CACNA1C: variants seen among roughly 807,000 people sequenced by gnomAD.
CACNA1C encodes the protein voltage-dependent L-type calcium channel subunit alpha-1C.
CACNA1C carries 30 observed loss-of-function variants against 229.0 expected under a neutral mutation model. The ratio of observed to expected loss-of-function variants is 0.13; its 90% confidence interval spans 0.10 to 0.18. The LOEUF is 0.18. Among genes scored for constraint, CACNA1C ranks in the 10% least tolerant of loss-of-function variants. The pLI, the probability that CACNA1C is intolerant of heterozygous loss-of-function variation, is 1.00. For synonymous variants in CACNA1C, 1,114 were observed against 1,132.5 expected, an observed-to-expected ratio of 0.98 and a Z score of 0.33; for missense variants, 1,658 against 2,845.0, an observed-to-expected ratio of 0.58 and a Z score of 9.49.
intron 18 of CACNA1C, among the ~76,000 whole-genome samples, chr12:2,587,170 A>C (rs1258380773): frequency 1.3e-5 from 2 of 151,412 alleles, no homozygotes; most frequent in Non-Finnish European, 2.9e-5. Context: ...GCCAGAGTCT[A>C]AATGTTTACG....
chr12:2,297,813 G>A (rs1353492061), intron 3 of CACNA1C, among the ~76,000 whole-genome samples: 2 of 151,926 alleles, frequency 1.3e-5, no homozygotes, highest in Non-Finnish European at 2.9e-5. Flanking sequence ...CTGAACAGTT[G>A]GATATATATA....
intron 3 of CACNA1C, among the ~76,000 whole-genome samples, chr12:2,186,908 T>A (rs1490247806): frequency 6.6e-6 from 1 of 152,094 alleles, no homozygotes; most frequent in Non-Finnish European, 1.5e-5. Context: ...ATGTGACACT[T>A]CTTGCTTGCC....
chr12:2,554,943 C>T (rs4765958), intron 10 of CACNA1C, among the ~76,000 whole-genome samples: 5,658 of 152,272 alleles, frequency 0.037, 158 homozygotes, highest in Middle Eastern at 0.085. Flanking sequence ...AGGTTTTGAT[C>T]CCCATGAACC....
chr12:2,184,711 A>G (rs373542015), intron 3 of CACNA1C, among the ~76,000 whole-genome samples: 54 of 152,192 alleles, frequency 3.5e-4, no homozygotes, highest in African/African-American at 1.3e-3. Context: ...AAGCAAGGCT[A>G]AGTCCTGGGC....
chr12:2,518,199 G>C (rs977499961), intron 9 of CACNA1C, among the ~76,000 whole-genome samples: 10 of 152,372 alleles, frequency 6.6e-5, no homozygotes, highest in African/African-American at 1.7e-4. Context: ...AGGCTTGTAA[G>C]AGCTGCAGGT....
intron 2 of CACNA1C, among the ~76,000 whole-genome samples, chr12:2,115,952 C>T (rs2083660671): frequency 6.6e-6 from 1 of 152,218 alleles, no homozygotes; most frequent in Non-Finnish European, 1.5e-5. Context: ...CCTTCTTTCC[C>T]TTCTGTGCCA....
intron 3 of CACNA1C, among the ~76,000 whole-genome samples, chr12:2,235,337 C>T (rs544603388): frequency 3.9e-5 from 6 of 152,278 alleles, no homozygotes; most frequent in South Asian, 2.1e-4. Flanking sequence ...GCCATTCAGC[C>T]GGGGTCCAAC....
intron 21 of CACNA1C, among the ~76,000 whole-genome samples, chr12:2,599,558 G>A (rs905219921): frequency 3.3e-5 from 5 of 152,306 alleles, no homozygotes; most frequent in Non-Finnish European, 5.9e-5. Flanking sequence ...GAGAGGCAGG[G>A]ATGGCCCGTG....
chr12:2,340,816 G>A (rs921808298), intron 3 of CACNA1C, among the ~76,000 whole-genome samples: 3 of 152,146 alleles, frequency 2.0e-5, no homozygotes, highest in Non-Finnish European at 4.4e-5. Context: ...AATTAGCCGG[G>A]CGTGGTGGCG....
intron 3 of CACNA1C, among the ~76,000 whole-genome samples, chr12:2,294,379 T>G (rs1591934759): frequency 6.6e-6 from 1 of 150,714 alleles, no homozygotes. Context: ...CTGAGGAAGG[T>G]GGAGCTGGAA....
intron 6 of CACNA1C, among the ~76,000 whole-genome samples, chr12:2,489,199 C>T (rs1452597339): frequency 3.3e-5 from 5 of 151,970 alleles, no homozygotes; most frequent in African/African-American, 1.2e-4. Flanking sequence ...CTTTGTGAGC[C>T]TTTGTTGTAA....
chr12:2,633,521 A>C lies in CACNA1C; in HGVS notation c.3829-776A>C, dbSNP rs1157321512. 2 of 749,560 alleles carry C rather than the reference A, an allele frequency of 2.7e-6. No individual in the cohort carries two copies. Among genetic ancestry groups the C allele is most frequent in the Admixed American group, 4.2e-5 (2 of 47,704 alleles). 46.4% of individuals were successfully genotyped at this position (749,560 alleles called of 1,614,324 possible). On this transcript the variant is annotated intron_variant, in intron 29 of 46. Coordinates refer to ENST00000399655, the MANE Select transcript of CACNA1C (RefSeq NM_000719.7). This position sits in a 1 kb window ranked among gnomAD's most constrained non-coding sequence, Gnocchi z 5.8. Reference sequence around the variant, plus strand: ...ATGGTGAGGGCGTCCGGAACTCCAGAGGCAACACGGAGGTGCCTGGACGAT... The same window carrying C: ...ATGGTGAGGGCGTCCGGAACTCCAGCGGCAACACGGAGGTGCCTGGACGAT...
chr12:2,470,864 G>A (rs916586887), intron 5 of CACNA1C, among the ~76,000 whole-genome samples: 5 of 151,536 alleles, frequency 3.3e-5, no homozygotes, highest in African/African-American at 1.2e-4. Flanking sequence ...TTGAGACCGA[G>A]TCTCGATCTG....
At chr12:2,006,185 G>A (rs11062058) in intron 1 of CACNA1C, among the ~76,000 whole-genome samples, 28,233 of 152,032 alleles carry the variant, frequency 0.19, 2,709 homozygotes, top group African/African-American at 0.22. Flanking sequence ...TGAGGCGGGC[G>A]GATCACAAGG....
At chr12:2,014,454 T>C (rs1011696274) in intron 1 of CACNA1C, among the ~76,000 whole-genome samples, 2 of 152,184 alleles carry the variant, frequency 1.3e-5, no homozygotes, top group African/African-American at 4.8e-5. Context: ...TTTATGAAGC[T>C]CTTACCATGA....
intron 3 of CACNA1C, among the ~76,000 whole-genome samples, chr12:2,430,074 G>A (rs769303544): frequency 2.0e-5 from 3 of 152,184 alleles, no homozygotes; most frequent in Non-Finnish European, 4.4e-5. Flanking sequence ...GGGCTCATTC[G>A]TGGATGGCTG....
chr12:2,136,060 A>G (rs373395224), intron 3 of CACNA1C, among the ~76,000 whole-genome samples: 5 of 150,672 alleles, frequency 3.3e-5, no homozygotes, highest in Admixed American at 2.0e-4. Context: ...GGTGGGAGTG[A>G]CCCAATTTTC....
chr12:2,291,907 C>T (rs2093556287), intron 3 of CACNA1C, among the ~76,000 whole-genome samples: 1 of 152,216 alleles, frequency 6.6e-6, no homozygotes, highest in Non-Finnish European at 1.5e-5. Context: ...GGAGCCATGC[C>T]ACATTTCATT....
In CACNA1C at chr12:2,585,406, G is replaced by A; in HGVS notation, c.2370G>A (p.Leu790=). 6.2e-7 allele frequency: 1 copy of A among 1,612,358 alleles called. No homozygotes were observed. The highest frequency in any genetic ancestry group is 8.5e-7 in the Non-Finnish European group (1 of 1,179,140). ...RTASPEKKQE[L]VEKPAVGESK... is the part of the protein sequence containing the mutation. ...CCAGCCCAGAGAAGAAACAAGAGTT[G>A]GTGGAGAAGCCGGCAGTGGGGGAAT... The change falls in exon 17 of 47, where the codon TTG becomes TTA. Residue 790 remains leucine, a synonymous_variant. Coordinates refer to ENST00000399655, the MANE Select transcript of CACNA1C (RefSeq NM_000719.7). The surrounding 1 kb of genome is among the most constrained non-coding windows in gnomAD (Gnocchi z 4.1).
Sources: allele counts gnomAD v4.1 joint callset (sites outside exome capture counted in the v4.1 genomes callset), GRCh38; gene constraint gnomAD v4.1.1; non-coding constraint Gnocchi (gnomAD v3.1); transcripts MANE v1.5; gene names NCBI Gene and HGNC (gene_info 2026-07-23, HGNC 2026-07-21).